The following RGMA variants were observed in gnomAD, a reference collection of about 807,000 sequenced individuals.
RGMA encodes the protein repulsive guidance molecule A.
In RGMA, 10 loss-of-function variants were observed where a neutral mutation model predicts 23.2. That is an observed-to-expected ratio of 0.43 (90% CI 0.27 to 0.73). The LOEUF (loss-of-function observed/expected upper bound fraction) is 0.73. Ranked by LOEUF, RGMA falls within the 30% of genes least tolerant of loss-of-function variation. RGMA has a pLI of 0.20. For synonymous variants in RGMA, 308 were observed against 279.3 expected (o/e 1.10, Z -1.03); for missense variants, 547 against 630.5 (o/e 0.87, Z 1.42).
chr15:93,044,892 G>T lies in RGMA; in HGVS notation c.*106C>A. 1.1e-6 allele frequency: 1 copy of T among 947,002 alleles called. No homozygotes were observed. The highest frequency in any genetic ancestry group is 1.6e-6 in the Non-Finnish European group (1 of 639,024). The allele number at this position is 947,002 out of a possible 1,614,324, so 58.7% of individuals were successfully genotyped here. A position where few individuals can be genotyped will look rare whatever the true frequency, so the allele number is the denominator to read the frequency against. On this transcript the variant is annotated 3_prime_UTR_variant, in exon 4 of 4. Coordinates refer to ENST00000329082, the MANE Select transcript of RGMA (RefSeq NM_020211.3). ...AGCAGGCGGTCCCTGGCGTTCTGCG[G>T]GGCCATGGTGGACACGCCAGGAGAT... is the stretch of plus-strand genomic sequence containing the variant.
intron 1 of RGMA, among the ~76,000 whole-genome samples, chr15:93,083,549 G>C (rs954845928): frequency 6.6e-6 from 1 of 152,152 alleles, no homozygotes; most frequent in Admixed American, 6.5e-5. Flanking sequence ...GGCTGGTCTC[G>C]AACTCCTGAG....
intron 1 of RGMA, among the ~76,000 whole-genome samples, chr15:93,083,775 G>C (rs1596108951): frequency 6.6e-6 from 1 of 152,218 alleles, no homozygotes; most frequent in Non-Finnish European, 1.5e-5. Flanking sequence ...GCAGTGAGGG[G>C]TTATTAGCAG....
chr15:93,072,566 C>G (rs1359239256), intron 2 of RGMA, among the ~76,000 whole-genome samples: 1 of 151,904 alleles, frequency 6.6e-6, no homozygotes, highest in Non-Finnish European at 1.5e-5. Context: ...GTCCCCAGCA[C>G]CGAGGGCGTG....
chr15:93,043,193 CACAT>C lies in RGMA; in HGVS notation c.*1801_*1804del, dbSNP rs1432420262. 4.1e-5 allele frequency: 6 copies of C among 144,952 alleles called. No individual in the cohort carries two copies. Among genetic ancestry groups the C allele is most frequent in the African/African-American group, 1.7e-4 (6 of 34,486 alleles). The allele number at this position is 144,952 out of a possible 1,614,324, so 9.0% of individuals were successfully genotyped here. On this transcript the variant is annotated 3_prime_UTR_variant, in exon 4 of 4. Coordinates refer to ENST00000329082, the MANE Select transcript of RGMA (RefSeq NM_020211.3). ...GCGCACACACATGCCTACATGCACA[CACAT>C]AGGCATGGGCGCACACACAGGCATG...
intron 1 of RGMA, among the ~76,000 whole-genome samples, chr15:93,086,974 T>C (rs1022281438): frequency 2.0e-5 from 3 of 152,220 alleles, no homozygotes; most frequent in African/African-American, 7.2e-5. Flanking sequence ...AGTCTCATGA[T>C]GACATAAATA....
rs34779860 is a variant in RGMA at position 93,042,879 on chromosome 15, CA to C, written c.*2118del. The C allele has an allele frequency of 0.091, 13,909 of 152,296 alleles. 2,595 individuals carry two copies. Among genetic ancestry groups the C allele is most frequent in the East Asian group, 0.75 (3,855 of 5,120 alleles). The allele number at this position is 152,296 out of a possible 1,614,324, so 9.4% of individuals were successfully genotyped here. A position where few individuals can be genotyped will look rare whatever the true frequency, so the allele number is the denominator to read the frequency against. ...TGGCAGGGAGGGTGGCAGGCAGTCCCAACAGCTGGGGCTCCAGGCTGATAGC... is the reference window on the plus strand; with the variant it reads ...TGGCAGGGAGGGTGGCAGGCAGTCCCACAGCTGGGGCTCCAGGCTGATAGC... On this transcript the variant is annotated 3_prime_UTR_variant, in exon 4 of 4. Transcript: ENST00000329082.
chr15:93,067,132 G>A (rs1895183030), intron 2 of RGMA, among the ~76,000 whole-genome samples: 1 of 152,216 alleles, frequency 6.6e-6, no homozygotes, highest in Admixed American at 6.5e-5. Flanking sequence ...TTTGTGAAAT[G>A]TTCATTTAGT....
chr15:93,084,796 A>G (rs114459639), intron 1 of RGMA, among the ~76,000 whole-genome samples: 1,706 of 152,296 alleles, frequency 0.011, 31 homozygotes, highest in African/African-American at 0.038. Context: ...TGAATAGACA[A>G]TCTGGAGAGG....
chr15:93,066,011 T>C (rs1895134998), intron 2 of RGMA: 1 of 1,365,916 alleles, frequency 7.3e-7, no homozygotes, highest in Non-Finnish European at 1.0e-6. Flanking sequence ...TCCCCTTCTC[T>C]GCCAGGTTCT....
In RGMA at chr15:93,045,455, T is replaced by A. The variant is rs201874145; in HGVS notation, c.896A>T (p.Glu299Val). The A allele has an allele frequency of 3.5e-4, 565 of 1,613,014 alleles. 4 individuals are homozygous for A. The African/African-American group carries it at 7.0e-3, about 20-fold the overall frequency. The change falls in exon 4 of 4, where the codon GAA (glutamate) becomes GTA (valine). Residue 299 changes from glutamate (E) to valine (V), a missense_variant. This residue lies in a region of RGMA where 205 missense variants were observed against 204.1 expected (regional missense o/e 1.00). Coordinates refer to ENST00000329082, the MANE Select transcript of RGMA (RefSeq NM_020211.3). This position sits in a 1 kb window ranked among gnomAD's most constrained non-coding sequence, Gnocchi z 6.9. ...YLTFAVRMPEEVVNAVEDWDS... is the reference protein window; with the variant it reads ...YLTFAVRMPEVVVNAVEDWDS... ...CCAGTCCTCCACAGCATTGACCACTTCCTCTGGCATGCGGACGGCAAAGGT... is the reference window on the plus strand; with the variant it reads ...CCAGTCCTCCACAGCATTGACCACTACCTCTGGCATGCGGACGGCAAAGGT...
chr15:93,075,107 T>G lies in RGMA; in HGVS notation c.15-2076A>C, dbSNP rs531281120. 7.2e-5 allele frequency among the ~76,000 whole-genome samples: 11 copies of G among 151,816 alleles called. No individual in the cohort carries two copies. In the East Asian group the frequency reaches 2.1e-3, roughly 29 times the overall value. On this transcript the variant is annotated intron_variant, in intron 1 of 3. Coordinates refer to ENST00000329082, the MANE Select transcript of RGMA (RefSeq NM_020211.3). The stretch of plus-strand genomic sequence containing the variant: ...TTTCACAGCAGGACTTTTTTTTTTT[T>G]TTTCAATGAGAACAGAAAAAAGAAA...
At chr15:93,050,635 C>T (rs1280340170) in intron 3 of RGMA, among the ~76,000 whole-genome samples, 3 of 152,238 alleles carry the variant, frequency 2.0e-5, no homozygotes, top group Admixed American at 6.5e-5. Flanking sequence ...GGGGCAGCAG[C>T]CCAGCCTCCC....
rs1307657012 is a variant in RGMA at position 93,041,848 on chromosome 15, A to AAGAAC, written c.*3145_*3149dup. Reference sequence around the variant, plus strand: ...CCCGTGTTCTCTCTGGGAGCCCTGCAAGAACAGGGCTTTAGAACGTTCTCC... The same window carrying AAGAAC: ...CCCGTGTTCTCTCTGGGAGCCCTGCAAGAACAGAACAGGGCTTTAGAACGTTCTCC... On this transcript the variant is annotated 3_prime_UTR_variant, in exon 4 of 4. Transcript: ENST00000329082. The AAGAAC allele has an allele frequency of 2.0e-5, 3 of 152,230 alleles. No individual in the cohort carries two copies. The highest frequency in any genetic ancestry group is 4.4e-5 in the Non-Finnish European group (3 of 68,072). 9.4% of individuals were successfully genotyped at this position (152,230 alleles called of 1,614,324 possible).
At chr15:93,073,924 G>T (rs561276070) in intron 1 of RGMA, 12 of 1,436,514 alleles carry the variant, frequency 8.4e-6, no homozygotes, top group African/African-American at 1.4e-5. Flanking sequence ...TGGCGCGCAG[G>T]GCCGGATGGT....
At chr15:93,052,723 C>T (rs1474787782) in intron 2 of RGMA, among the ~76,000 whole-genome samples, 1 of 151,984 alleles carries the variant, frequency 6.6e-6, no homozygotes, top group African/African-American at 2.4e-5. Flanking sequence ...TGCACACCAG[C>T]AGGCTGAAAG....
At chr15:93,047,807 C>T (rs904303378) in intron 3 of RGMA, among the ~76,000 whole-genome samples, 1 of 152,224 alleles carries the variant, frequency 6.6e-6, no homozygotes, top group Non-Finnish European at 1.5e-5. Context: ...AAGGGAGTTT[C>T]TGGCCTAACA....
rs2054672595 is a variant in RGMA at position 93,037,375 on chromosome 15, C to T, written c.*7623G>A. 6.6e-6 allele frequency: 1 copy of T among 152,268 alleles called. No individual in the cohort carries two copies. Among genetic ancestry groups the T allele is most frequent in the Admixed American group, 6.5e-5 (1 of 15,288 alleles). 9.4% of individuals were successfully genotyped at this position (152,268 alleles called of 1,614,324 possible). A position where few individuals can be genotyped will look rare whatever the true frequency, so the allele number is the denominator to read the frequency against. On this transcript the variant is annotated 3_prime_UTR_variant, in exon 4 of 4. Transcript: ENST00000329082. The surrounding 1 kb of genome is among the most constrained non-coding windows in gnomAD (Gnocchi z 4.3). ...TCTGTGCCCATGCCACTGTCCATCCCTGGCCATCCAGGCCCGTGAAACACA... is the reference window on the plus strand; with the variant it reads ...TCTGTGCCCATGCCACTGTCCATCCTTGGCCATCCAGGCCCGTGAAACACA...
chr15:93,058,150 A>G (rs1388347394), intron 2 of RGMA, among the ~76,000 whole-genome samples: 1 of 152,248 alleles, frequency 6.6e-6, no homozygotes, highest in Non-Finnish European at 1.5e-5. Context: ...TATGAGAAAG[A>G]AAAATAAGGA....
intron 2 of RGMA, among the ~76,000 whole-genome samples, chr15:93,054,128 G>A (rs1457696443): frequency 6.6e-6 from 1 of 151,232 alleles, no homozygotes; most frequent in East Asian, 1.9e-4. Context: ...TACTCGGGAG[G>A]CTGTGGCACG....
Sources: allele counts gnomAD v4.1 joint callset (sites outside exome capture counted in the v4.1 genomes callset), GRCh38; gene constraint gnomAD v4.1.1; regional missense constraint gnomAD v4.1.1; non-coding constraint Gnocchi (gnomAD v3.1); transcripts MANE v1.5; gene names NCBI Gene and HGNC (gene_info 2026-07-23, HGNC 2026-07-21).